The following LUZP2 variants were observed in gnomAD, a reference collection of about 807,000 sequenced individuals.
The protein encoded by LUZP2 is leucine zipper protein 2.
A neutral mutation model predicts 51.6 loss-of-function variants in LUZP2; 52 were observed. That is an observed-to-expected ratio of 1.01 (90% CI 0.81 to 1.27). LUZP2 has a LOEUF of 1.27. Ranked by LOEUF, LUZP2 falls within the 50% of genes most tolerant of loss-of-function variation. The pLI is 0.00. For synonymous variants in LUZP2, 154 were observed against 137.3 expected, an observed-to-expected ratio of 1.12 and a Z score of -0.85; for missense variants, 436 against 395.4, an observed-to-expected ratio of 1.10 and a Z score of -0.87.
intron 1 of LUZP2, among the ~76,000 whole-genome samples, chr11:24,514,044 C>A (rs1446515376): frequency 6.6e-6 from 1 of 152,160 alleles, no homozygotes; most frequent in Non-Finnish European, 1.5e-5. Context: ...GGGATACAAG[C>A]AGACCTCTGG....
At chr11:25,065,853 C>G (rs1248112798) in intron 10 of LUZP2, among the ~76,000 whole-genome samples, 1 of 151,978 alleles carries the variant, frequency 6.6e-6, no homozygotes, top group Non-Finnish European at 1.5e-5. Context: ...CATGCTCACT[C>G]ATACACCTTC....
chr11:24,817,505 A>G (rs1474494334), intron 5 of LUZP2, among the ~76,000 whole-genome samples: 1 of 152,076 alleles, frequency 6.6e-6, no homozygotes, highest in Non-Finnish European at 1.5e-5. Flanking sequence ...TGAATGAGAG[A>G]GTTGGAATCT....
chr11:24,709,284 A>G lies in LUZP2; in HGVS notation c.63-19885A>G, dbSNP rs193036102. ...AAGGCTAATGATTAGGTTACCAACT[A>G]TATTCAGAATATTATAGAAAAATAT... On this transcript the variant is annotated intron_variant, in intron 1 of 11. Coordinates refer to ENST00000336930, the MANE Select transcript of LUZP2 (RefSeq NM_001009909.4). Among the ~76,000 whole-genome samples, 7 of 152,294 alleles carry G rather than the reference A, an allele frequency of 4.6e-5. 1 individual carries two copies. Among genetic ancestry groups the G allele is most frequent in the African/African-American group, 1.7e-4 (7 of 41,558 alleles).
intron 9 of LUZP2, among the ~76,000 whole-genome samples, chr11:25,034,738 C>T (rs149360822): frequency 1.2e-4 from 19 of 152,022 alleles, no homozygotes; most frequent in African/African-American, 2.4e-4. Context: ...TATAGGTGTC[C>T]GACTTTATTT....
At chr11:24,776,677 A>G (rs1342349077) in intron 5 of LUZP2, among the ~76,000 whole-genome samples, 2 of 152,136 alleles carry the variant, frequency 1.3e-5, no homozygotes, top group Admixed American at 1.3e-4. Flanking sequence ...TAATTCTACC[A>G]TTGCTCCAAA....
intron 9 of LUZP2, among the ~76,000 whole-genome samples, chr11:25,011,830 C>A (rs949455651): frequency 6.6e-6 from 1 of 151,712 alleles, no homozygotes. Context: ...TTATTTATAT[C>A]TGTTGGGAAT....
intron 1 of LUZP2, among the ~76,000 whole-genome samples, chr11:24,646,260 C>T (rs993636070): frequency 6.6e-6 from 1 of 151,904 alleles, no homozygotes; most frequent in Non-Finnish European, 1.5e-5. Context: ...TATTAGATAT[C>T]TGATTTTCAA....
intron 5 of LUZP2, among the ~76,000 whole-genome samples, chr11:24,806,073 A>C (rs1234207663): frequency 6.6e-6 from 1 of 152,182 alleles, no homozygotes; most frequent in Non-Finnish European, 1.5e-5. Context: ...CAGGAATATT[A>C]CTTGTAAAAG....
intron 7 of LUZP2, among the ~76,000 whole-genome samples, chr11:24,961,058 T>C (rs1430527773): frequency 6.6e-6 from 1 of 152,222 alleles, no homozygotes; most frequent in Non-Finnish European, 1.5e-5. Context: ...TGAGCGGTTT[T>C]GAGTGAGTTT....
At position 24,789,543 on chromosome 11, in the gene LUZP2, TTTACATGC is replaced by T. The variant is rs1564894587; in HGVS notation, c.396+26238_396+26245del. On this transcript the variant is annotated intron_variant, in intron 5 of 11. Coordinates refer to ENST00000336930, the MANE Select transcript of LUZP2 (RefSeq NM_001009909.4). ...CTGATTAAATCATACAAAGTAATTT[TTTACATGC>T]TTCTAGCCACATCTACCAATCTATC... 1.3e-5 allele frequency among the ~76,000 whole-genome samples: 2 copies of T among 152,234 alleles called. 1 individual carries two copies. The highest frequency in any genetic ancestry group is 3.8e-4 in the East Asian group (2 of 5,200).
At chr11:24,590,801 G>C (rs1006522762) in intron 1 of LUZP2, among the ~76,000 whole-genome samples, 1 of 151,962 alleles carries the variant, frequency 6.6e-6, no homozygotes, top group African/African-American at 2.4e-5. Context: ...TGAATATCTT[G>C]TCCTTACCTT....
rs188028456 is a variant in LUZP2, at chr11:24,729,049, A to G, written c.63-120A>G. The G allele has an allele frequency of 6.9e-3, 3,401 of 494,490 alleles. 25 individuals carry two copies. The highest frequency in any genetic ancestry group is 6.8e-3 in the Non-Finnish European group (1,867 of 274,948). 30.6% of individuals were successfully genotyped at this position (494,490 alleles called of 1,614,324 possible). On this transcript the variant is annotated intron_variant, in intron 1 of 11. Coordinates refer to ENST00000336930, the MANE Select transcript of LUZP2 (RefSeq NM_001009909.4). Reference sequence around the variant, plus strand: ...TATATGAAATCATGACAACAAAACCATCTTAGTAATTGAGGTTTTAACTTC... The same window carrying G: ...TATATGAAATCATGACAACAAAACCGTCTTAGTAATTGAGGTTTTAACTTC...
At chr11:24,641,510 C>T (rs553245349) in intron 1 of LUZP2, among the ~76,000 whole-genome samples, 29 of 151,834 alleles carry the variant, frequency 1.9e-4, no homozygotes, top group African/African-American at 5.6e-4. Flanking sequence ...TACTGTTGAA[C>T]ATCAAAAGGT....
chr11:24,809,871 C>G (rs1189732678), intron 5 of LUZP2, among the ~76,000 whole-genome samples: 1 of 152,022 alleles, frequency 6.6e-6, no homozygotes, highest in African/African-American at 2.4e-5. Flanking sequence ...ACTTTACTCA[C>G]TACTGAAAAA....
At chr11:24,771,064 G>A (rs180719551) in intron 5 of LUZP2, among the ~76,000 whole-genome samples, 7 of 152,190 alleles carry the variant, frequency 4.6e-5, no homozygotes, top group African/African-American at 7.2e-5. Context: ...GAATAGTAAA[G>A]CCTAAGTCAT....
chr11:24,601,615 T>A (rs1309598188), intron 1 of LUZP2, among the ~76,000 whole-genome samples: 6 of 151,778 alleles, frequency 4.0e-5, no homozygotes, highest in Non-Finnish European at 7.4e-5. Context: ...CCAAATTAAT[T>A]TGAATTTTCT....
At chr11:24,854,972 C>A (rs1372462947) in intron 5 of LUZP2, among the ~76,000 whole-genome samples, 2 of 152,160 alleles carry the variant, frequency 1.3e-5, no homozygotes, top group African/African-American at 2.4e-5. Flanking sequence ...ACTGTCTAAC[C>A]AGTCCCAGTG....
chr11:24,527,055 C>A (rs1264427158), intron 1 of LUZP2, among the ~76,000 whole-genome samples: 1 of 151,308 alleles, frequency 6.6e-6, no homozygotes, highest in Non-Finnish European at 1.5e-5. Context: ...TCAATCCAAA[C>A]AATGAGTCAG....
chr11:24,798,822 G>A (rs1849615640), intron 5 of LUZP2, among the ~76,000 whole-genome samples: 1 of 4,376 alleles, frequency 2.3e-4, no homozygotes, highest in South Asian at 0.015. Flanking sequence ...GTGGACTCAA[G>A]GTTATTTCCT....
Sources: allele counts gnomAD v4.1 joint callset (sites outside exome capture counted in the v4.1 genomes callset), GRCh38; gene constraint gnomAD v4.1.1; transcripts MANE v1.5; gene names NCBI Gene and HGNC (gene_info 2026-07-23, HGNC 2026-07-21).